Variants in HEATR6 observed in about 807,000 individuals in gnomAD.
The protein encoded by HEATR6 is HEAT repeat containing 6.
In HEATR6, 106 loss-of-function variants were observed where a neutral mutation model predicts 132.8. The ratio of observed to expected loss-of-function variants is 0.80; its 90% CI spans 0.68 to 0.94. The LOEUF (loss-of-function observed/expected upper bound fraction) is 0.94, where lower values mean the gene tolerates loss of function less well. HEATR6 is among the 40% of genes least tolerant of loss of function. The pLI is 0.00. For synonymous variants in HEATR6, 529 were observed against 537.8 expected (o/e 0.98, Z 0.23); for missense variants, 1,339 against 1,425.1 (o/e 0.94, Z 0.97).
chr17:60,067,743 G>C lies in HEATR6; in HGVS notation c.940-11C>G, dbSNP rs1196174218. 1 of 1,603,744 alleles carries C rather than the reference G, an allele frequency of 6.2e-7. No individual in the cohort carries two copies. The highest frequency in any genetic ancestry group is 2.2e-5 in the East Asian group (1 of 44,754). ...TTTTTTCTTTTTATTCTGATTGTGG[G>C]AGCAAATGAAGACATATATAATAAC... is the stretch of plus-strand genomic sequence containing the variant. On this transcript the variant is annotated splice_polypyrimidine_tract_variant and intron_variant, in intron 7 of 19. Transcript: ENST00000184956.
rs751083704 is a variant in HEATR6, at chr17:60,060,047, T to G, written c.1466A>C (p.Lys489Thr). The change falls in exon 10 of 20, where the codon AAG (lysine) becomes ACG (threonine). Residue 489 changes from lysine (K) to threonine (T), a missense_variant. Physicochemically the swap from Lys to Thr is moderately conservative, Grantham distance 78. Transcript: ENST00000184956. ...ATCTTCAGCAACAGAAAGAAACTGCTTTGAGCCTTCCAAGATGGCAGATAA... is the reference window on the plus strand; with the variant it reads ...ATCTTCAGCAACAGAAAGAAACTGCGTTGAGCCTTCCAAGATGGCAGATAA... ...QVLSAILEGS[K>T]QFLSVAEDTS... 26 of 1,614,064 alleles carry G rather than the reference T, an allele frequency of 1.6e-5. No homozygotes were observed. Among genetic ancestry groups the G allele is most frequent in the Non-Finnish European group, 2.1e-5 (25 of 1,179,936 alleles).
intron 14 of HEATR6, among the ~76,000 whole-genome samples, chr17:60,052,769 T>C (rs1906624222): frequency 6.6e-6 from 1 of 152,100 alleles, no homozygotes; most frequent in African/African-American, 2.4e-5. Context: ...CCTTCATCCA[T>C]CTTTGGAACT....
intron 5 of HEATR6, among the ~76,000 whole-genome samples, chr17:60,071,252 C>T (rs1056173372): frequency 4.6e-5 from 7 of 152,126 alleles, no homozygotes; most frequent in African/African-American, 1.7e-4. Context: ...GCAATTCTGA[C>T]CAAGATTGAT....
chr17:60,078,625 A>G, intron 1 of HEATR6, 71 bp downstream of exon 1: 1 of 1,211,272 alleles, frequency 8.3e-7, no homozygotes, highest in Non-Finnish European at 1.2e-6. Flanking sequence ...AGGGAAAGGC[A>G]GGCAGAGGCC....
chr17:60,048,745 A>C (rs1906455744), intron 16 of HEATR6, among the ~76,000 whole-genome samples: 1 of 151,996 alleles, frequency 6.6e-6, no homozygotes, highest in Admixed American at 6.6e-5. Context: ...CATTTCCAAA[A>C]CACATCCTAT....
At chr17:60,047,874 G>A (rs758758355) in intron 17 of HEATR6, among the ~76,000 whole-genome samples, 1 of 152,222 alleles carries the variant, frequency 6.6e-6, no homozygotes, top group South Asian at 2.1e-4. Context: ...TGTCAGGGTA[G>A]AAGAAAGGCT....
Position 60,067,576 on chromosome 17 carries a change from C to T in HEATR6, c.1096G>A (p.Val366Ile). 6.2e-7 allele frequency: 1 copy of T among 1,613,474 alleles called. No individual in the cohort carries two copies. Among genetic ancestry groups the T allele is most frequent in the Non-Finnish European group, 8.5e-7 (1 of 1,179,764 alleles). The change falls in exon 8 of 20, where the codon GTC (valine) becomes ATC (isoleucine). Residue 366 changes from valine to isoleucine, a missense_variant. Transcript: ENST00000184956. ...CTTCCATCTAAAGGCAAACTCTGGACACCCAGGGAGGAGGGACACCAAGTG... is the reference window on the plus strand; with the variant it reads ...CTTCCATCTAAAGGCAAACTCTGGATACCCAGGGAGGAGGGACACCAAGTG... ...GNTWCPSSLG[V>I]QSLPLDGSGA... is the part of the protein sequence containing the mutation.
At chr17:60,078,630 G>C (rs555886364) in intron 1 of HEATR6, 66 bp downstream of exon 1, 1 of 1,285,476 alleles carries the variant, frequency 7.8e-7, no homozygotes, top group African/African-American at 1.5e-5. Context: ...AAGGCAGGCA[G>C]AGGCCACCAG....
chr17:60,072,944 C>T (rs541049952), intron 4 of HEATR6, among the ~76,000 whole-genome samples: 46 of 152,328 alleles, frequency 3.0e-4, no homozygotes, highest in African/African-American at 1.1e-3. Context: ...ACTATTACCA[C>T]ATTTTAGGAA....
In HEATR6 at chr17:60,046,183, A is replaced by C. The variant is rs763671441; in HGVS notation, c.2816T>G (p.Leu939Arg). The C allele has an allele frequency of 4.3e-6, 7 of 1,614,024 alleles. No individual in the cohort carries two copies. Among genetic ancestry groups the C allele is most frequent in the Non-Finnish European group, 5.9e-6 (7 of 1,179,962 alleles). ...GGGTTTTTCTATATGAGAGGGTTGC[A>C]GAAAATGAAGCAAATTTCCAAGGGC... is the stretch of plus-strand genomic sequence containing the variant. ...VRALGNLLHFLQPSHIEKPTF... is the reference protein window; with the variant it reads ...VRALGNLLHFRQPSHIEKPTF... The change falls in exon 19 of 20, where the codon CTG becomes CGG. Residue 939 changes from leucine to arginine, a missense_variant. Transcript: ENST00000184956.
chr17:60,056,177 C>T lies in HEATR6; in HGVS notation c.2140G>A (p.Gly714Arg). The T allele has an allele frequency of 1.2e-6, 2 of 1,614,088 alleles. No individual in the cohort carries two copies. Among genetic ancestry groups the T allele is most frequent in the Non-Finnish European group, 8.5e-7 (1 of 1,179,982 alleles). ...CCCATGCACTTGCAAATCACCTCTC[C>T]AAGCTCCATCAAGTAGGCTTGAGTC... ...SMTQAYLMEL[G>R]EVICKCMGEA... The change falls in exon 13 of 20, where the codon GGA (glycine) becomes AGA (arginine). Residue 714 changes from glycine (G) to arginine (R), a missense_variant. By Grantham distance (125) the Gly-to-Arg change is moderately radical. Coordinates refer to ENST00000184956, the MANE Select transcript of HEATR6 (RefSeq NM_022070.5).
intron 1 of HEATR6, 131 bp downstream of exon 1, chr17:60,078,565 G>A: frequency 1.4e-6 from 1 of 707,884 alleles, no homozygotes; most frequent in Non-Finnish European, 2.3e-6. Context: ...AAGGTTGGAG[G>A]GGGCACGCCA....
chr17:60,075,724 G>T (rs2083292687), intron 2 of HEATR6: 1 of 152,122 alleles, frequency 6.6e-6, no homozygotes, highest in Non-Finnish European at 1.5e-5. Context: ...GGTGCCTGTA[G>T]TCCCAGCTAC....
In HEATR6 at chr17:60,043,948, T is replaced by C. The variant is rs1906275246; in HGVS notation, c.3161A>G (p.Glu1054Gly). Residue 1054 changes from glutamate (E) to glycine (G), a missense_variant, in exon 20 of 20, where the codon GAA becomes GGA. Physicochemically the swap from Glu to Gly is moderately conservative, Grantham distance 98 (BLOSUM62 -2). Coordinates refer to ENST00000184956, the MANE Select transcript of HEATR6 (RefSeq NM_022070.5). ...GAATTCCAAAAAGTCTATGGTGTCT[T>C]CACTCTTCTGTAAAGCGGTGACCAA... Reference protein sequence around the residue: ...NALVTALQKSEDTIDFLEFKY... With the variant: ...NALVTALQKSGDTIDFLEFKY... 6.2e-7 allele frequency: 1 copy of C among 1,614,038 alleles called. No individual in the cohort carries two copies. Among genetic ancestry groups the C allele is most frequent in the Non-Finnish European group, 8.5e-7 (1 of 1,180,022 alleles).
At position 60,059,440 on chromosome 17, in the gene HEATR6, G is replaced by A. The variant is rs1259465988; in HGVS notation, c.1705C>T (p.Pro569Ser). ...TACAAACCTTTGTGGCGAATATAAG[G>A]CTTTATCTGGTTCCAGACTTTGGTC... ...LLTKVWNQIK[P>S]YIRHKDVNVR... is the part of the protein sequence containing the mutation. Residue 569 changes from proline to serine, a missense_variant, in exon 11 of 20, where the codon CCT (proline) becomes TCT (serine). Physicochemically the swap from Pro to Ser is moderately conservative, Grantham distance 74. Transcript: ENST00000184956. 1 of 1,611,978 alleles carries A rather than the reference G, an allele frequency of 6.2e-7. No homozygotes were observed. The highest frequency in any genetic ancestry group is 8.5e-7 in the Non-Finnish European group (1 of 1,178,428).
rs1381587361 is a variant in HEATR6 at position 60,044,028 on chromosome 17, C to T, written c.3081G>A (p.Pro1027=). Residue 1027 remains proline (P), a synonymous_variant, in exon 20 of 20, where the codon CCG becomes CCA. Transcript: ENST00000184956. The stretch of plus-strand genomic sequence containing the variant: ...CAGACCCGTACTGCTCTCTCTTCCC[C>T]GGGACGGAAAGGGCAGCTGCAGATC... The part of the protein sequence containing the change: ...RIRSAAALSV[P]GKREQYGSVD... 8 of 1,614,058 alleles carry T rather than the reference C, an allele frequency of 5.0e-6. No homozygotes were observed. The South Asian group carries it at 5.5e-5, about 11-fold the overall frequency.
At chr17:60,044,731 T>C (rs1906304508) in intron 19 of HEATR6, among the ~76,000 whole-genome samples, 1 of 152,212 alleles carries the variant, frequency 6.6e-6, no homozygotes, top group Non-Finnish European at 1.5e-5. Flanking sequence ...CCCACTCCAC[T>C]TTGGGGTGTC....
At chr17:60,050,809 AT>A in intron 15 of HEATR6, 33 bp downstream of exon 15, 1 of 1,611,848 alleles carries the variant, frequency 6.2e-7, no homozygotes, top group Non-Finnish European at 8.5e-7. Flanking sequence ...TGCTCCAGCC[AT>A]GATTTAAGGG....
chr17:60,051,767 G>T (rs537428726), intron 14 of HEATR6, among the ~76,000 whole-genome samples: 4 of 152,234 alleles, frequency 2.6e-5, no homozygotes, highest in African/African-American at 9.6e-5. Flanking sequence ...GTTTTGCTGT[G>T]TATGTCATGC....
Sources: allele counts gnomAD v4.1 joint callset (sites outside exome capture counted in the v4.1 genomes callset), GRCh38; gene constraint gnomAD v4.1.1; transcripts MANE v1.5; gene names NCBI Gene and HGNC (gene_info 2026-07-23, HGNC 2026-07-21).